MAML2: variants seen among roughly 807,000 people sequenced by gnomAD.
The protein encoded by MAML2 is mastermind like transcriptional coactivator 2, also known as mastermind-like protein 2.
MAML2 carries 22 observed loss-of-function variants against 96.1 expected under a neutral mutation model. The ratio of observed to expected loss-of-function variants is 0.23; its 90% CI spans 0.16 to 0.33. The LOEUF (loss-of-function observed/expected upper bound fraction) is 0.33. MAML2 is among the 10% of genes least tolerant of loss of function. The pLI, the probability that MAML2 is intolerant of heterozygous loss-of-function variation, is 1.00. For synonymous variants in MAML2, 561 were observed against 521.3 expected (o/e 1.08, Z -1.04); for missense variants, 1,367 against 1,392.4 (o/e 0.98, Z 0.29).
chr11:96,101,923 T>C (rs1362639763), intron 1 of MAML2, among the ~76,000 whole-genome samples: 1 of 152,236 alleles, frequency 6.6e-6, no homozygotes, highest in Non-Finnish European at 1.5e-5. Flanking sequence ...GCCTACATCA[T>C]AGGTTAATGC....
intron 2 of MAML2, among the ~76,000 whole-genome samples, chr11:96,018,037 T>C (rs1408368944): frequency 6.6e-6 from 1 of 152,186 alleles, no homozygotes; most frequent in African/African-American, 2.4e-5. Flanking sequence ...ACAGGAATAA[T>C]TCAGAGGTGA....
intron 2 of MAML2, among the ~76,000 whole-genome samples, chr11:96,043,344 G>C (rs1858846775): frequency 1.3e-5 from 2 of 152,126 alleles, no homozygotes; most frequent in Non-Finnish European, 2.9e-5. Flanking sequence ...CAATCCCCCT[G>C]TCCAGGAACA....
intron 2 of MAML2, among the ~76,000 whole-genome samples, chr11:96,029,495 C>A (rs1858577147): frequency 6.6e-6 from 1 of 152,088 alleles, no homozygotes; most frequent in Non-Finnish European, 1.5e-5. Flanking sequence ...AAGCTGGAGT[C>A]ATAATTAAGG....
chr11:96,001,545 C>A (rs1858077939), intron 2 of MAML2, among the ~76,000 whole-genome samples: 1 of 152,086 alleles, frequency 6.6e-6, no homozygotes, highest in Non-Finnish European at 1.5e-5. Context: ...AACACATATA[C>A]AACTAATAAT....
chr11:96,258,077 T>C (rs1386802668), intron 1 of MAML2, among the ~76,000 whole-genome samples: 2 of 152,244 alleles, frequency 1.3e-5, no homozygotes, highest in African/African-American at 4.8e-5. Flanking sequence ...GGTTTGTGGC[T>C]CTTGACATCT....
intron 2 of MAML2, among the ~76,000 whole-genome samples, chr11:96,003,413 A>G (rs933235173): frequency 2.0e-4 from 29 of 147,842 alleles, no homozygotes; most frequent in African/African-American, 7.0e-4. Context: ...AGGAGATTCA[A>G]GTTACAGAAC....
chr11:96,332,496 C>T (rs1863867014), intron 1 of MAML2, among the ~76,000 whole-genome samples: 1 of 152,216 alleles, frequency 6.6e-6, no homozygotes, highest in South Asian at 2.1e-4. Flanking sequence ...CTCTTTGGTG[C>T]AATGGCTCTA....
chr11:96,033,118 T>C (rs1047366689), intron 2 of MAML2, among the ~76,000 whole-genome samples: 4 of 152,352 alleles, frequency 2.6e-5, no homozygotes, highest in African/African-American at 9.6e-5. Context: ...TAATACATGC[T>C]ATTTAAGCAC....
At chr11:96,172,069 G>A (rs1004242957) in intron 1 of MAML2, among the ~76,000 whole-genome samples, 1 of 152,198 alleles carries the variant, frequency 6.6e-6, no homozygotes, top group Non-Finnish European at 1.5e-5. Context: ...AAAACACAAA[G>A]CACAGTATAT....
At chr11:96,323,898 T>C (rs899477259) in intron 1 of MAML2, among the ~76,000 whole-genome samples, 1 of 152,210 alleles carries the variant, frequency 6.6e-6, no homozygotes, top group Non-Finnish European at 1.5e-5. Context: ...TCAAAACATG[T>C]GTCACTCATA....
intron 1 of MAML2, among the ~76,000 whole-genome samples, chr11:96,172,063 C>T (rs1861305815): frequency 6.6e-6 from 1 of 152,228 alleles, no homozygotes; most frequent in East Asian, 1.9e-4. Context: ...TCAACTAAAA[C>T]ACAAAGCACA....
chr11:96,266,820 G>C (rs11021509), intron 1 of MAML2, among the ~76,000 whole-genome samples: 5 of 152,126 alleles, frequency 3.3e-5, no homozygotes, highest in African/African-American at 1.2e-4. Flanking sequence ...GACATGCCTC[G>C]GTGAATATCA....
At chr11:96,299,233 C>T (rs994178072) in intron 1 of MAML2, among the ~76,000 whole-genome samples, 2 of 130,634 alleles carry the variant, frequency 1.5e-5, no homozygotes, top group Non-Finnish European at 3.2e-5. Context: ...CTGTCTGACA[C>T]TAATCATAAG....
In MAML2 at chr11:96,128,624, A is replaced by C. The variant is rs1218815989; in HGVS notation, c.514-35107T>G. Among the ~76,000 whole-genome samples the C allele has an allele frequency of 9.9e-5, 15 of 152,166 alleles. No individual in the cohort carries two copies. The East Asian group carries it at 2.9e-3, about 29-fold the overall frequency. ...TTATCAGGTTTACATGGCATGGTGC[A>C]CCTAGGGCTCTCCAATACCTTTTGT... On this transcript the variant is annotated intron_variant, in intron 1 of 4. Coordinates refer to ENST00000524717, the MANE Select transcript of MAML2 (RefSeq NM_032427.4).
intron 2 of MAML2, among the ~76,000 whole-genome samples, chr11:96,086,543 T>C (rs1859617882): frequency 1.3e-5 from 2 of 152,104 alleles, no homozygotes; most frequent in Admixed American, 1.3e-4. Flanking sequence ...GAAACAAGAA[T>C]ATGCCTGCAA....
intron 1 of MAML2, among the ~76,000 whole-genome samples, chr11:96,261,467 G>GCTT (rs1862748611): frequency 6.6e-6 from 1 of 152,220 alleles, no homozygotes; most frequent in Non-Finnish European, 1.5e-5. Context: ...TGAGAGGAAA[G>GCTT]ACAAGGTGTA....
intron 1 of MAML2, among the ~76,000 whole-genome samples, chr11:96,188,727 T>C (rs773589432): frequency 7.3e-5 from 11 of 150,184 alleles, no homozygotes; most frequent in South Asian, 2.1e-4. Flanking sequence ...TATGAGAGAG[T>C]GAAATTGTGT....
chr11:96,022,850 A>G (rs1303907849), intron 2 of MAML2, among the ~76,000 whole-genome samples: 1 of 152,216 alleles, frequency 6.6e-6, no homozygotes, highest in Non-Finnish European at 1.5e-5. Flanking sequence ...AGGCAGTATT[A>G]TGACAATGAG....
intron 1 of MAML2, among the ~76,000 whole-genome samples, chr11:96,275,308 C>T (rs1204533512): frequency 4.8e-5 from 6 of 123,768 alleles, no homozygotes; most frequent in Non-Finnish European, 1.6e-5. Context: ...GACAGAGTCT[C>T]GCTCTGTCAC....
Sources: gnomAD v4.1 joint callset for allele counts (sites outside exome capture counted in the v4.1 genomes callset) on GRCh38, gnomAD v4.1.1 for gene constraint, MANE v1.5 for transcripts, NCBI Gene and HGNC (gene_info 2026-07-23, HGNC 2026-07-21) for gene names.